Variants in PDZD2 observed in about 807,000 individuals in gnomAD.
PDZD2 encodes the protein PDZ domain containing 2.
PDZD2 carries 90 observed loss-of-function variants against 220.7 expected under a neutral mutation model. That is an observed-to-expected ratio of 0.41 (90% CI 0.34 to 0.49). The LOEUF (loss-of-function observed/expected upper bound fraction) is 0.49, where lower values mean the gene tolerates loss of function less well. Ranked by LOEUF, PDZD2 falls within the 20% of genes least tolerant of loss-of-function variation. The pLI, the probability that PDZD2 is intolerant of heterozygous loss-of-function variation, is 0.28. For synonymous variants in PDZD2, 1,375 were observed against 1,450.5 expected (o/e 0.95, Z 1.18); for missense variants, 3,174 against 3,608.5 (o/e 0.88, Z 3.08).
chr5:31,703,887 C>G (rs943740376), intron 1 of PDZD2, among the ~76,000 whole-genome samples: 1 of 152,046 alleles, frequency 6.6e-6, no homozygotes, highest in African/African-American at 2.4e-5. Flanking sequence ...ATAATTTTAC[C>G]CCCATAGATA....
At chr5:31,705,322 C>T (rs535610564) in intron 1 of PDZD2, among the ~76,000 whole-genome samples, 20 of 152,080 alleles carry the variant, frequency 1.3e-4, no homozygotes, top group South Asian at 4.2e-4. Flanking sequence ...TTATGAAAGA[C>T]GATAACAGGG....
intron 2 of PDZD2, among the ~76,000 whole-genome samples, chr5:31,951,161 T>G (rs1378457125): frequency 6.6e-6 from 1 of 152,086 alleles, no homozygotes; most frequent in Non-Finnish European, 1.5e-5. Context: ...CAACCTCCCG[T>G]GCTCAAGTGA....
chr5:32,049,739 T>C (rs1738336387), intron 8 of PDZD2, among the ~76,000 whole-genome samples: 1 of 152,126 alleles, frequency 6.6e-6, no homozygotes, highest in South Asian at 2.1e-4. Flanking sequence ...GGACAATTGC[T>C]CATCAGCCCA....
intron 2 of PDZD2, among the ~76,000 whole-genome samples, chr5:31,942,278 T>C (rs1189722112): frequency 6.6e-6 from 1 of 152,112 alleles, no homozygotes; most frequent in East Asian, 1.9e-4. Context: ...AACTGACTAG[T>C]CTTAGAATGT....
intron 1 of PDZD2, among the ~76,000 whole-genome samples, chr5:31,670,495 C>T (rs1296900351): frequency 1.3e-5 from 2 of 152,168 alleles, no homozygotes; most frequent in Non-Finnish European, 2.9e-5. Flanking sequence ...CAGCTCACTG[C>T]AACCTCCGCC....
chr5:32,027,094 G>A lies in PDZD2; in HGVS notation c.1408-10137G>A, dbSNP rs903748352. On this transcript the variant is annotated intron_variant, in intron 6 of 24. Coordinates refer to ENST00000438447, the MANE Select transcript of PDZD2 (RefSeq NM_178140.4). ...ATTTTTTGTACTTTTAGTAGAGACG[G>A]GGTTTCACCATGTTGGCCAGGCTGG... 9.2e-5 allele frequency among the ~76,000 whole-genome samples: 14 copies of A among 152,186 alleles called. No individual in the cohort carries two copies. In the East Asian group the frequency reaches 2.7e-3, roughly 29 times the overall value.
In PDZD2 at chr5:31,799,530, G is replaced by C; in HGVS notation, c.282G>C (p.Gly94=). The C allele has an allele frequency of 1.2e-6, 2 of 1,614,144 alleles. No homozygotes were observed. The highest frequency in any genetic ancestry group is 1.7e-6 in the Non-Finnish European group (2 of 1,180,002). ...GTTTTGGGAACATCCCTGTTTTCGG[G>C]GACTATGGTGAAAAGCGCAGGGGGG... ...GLSFGNIPVF[G]DYGEKRRGGK... Residue 94 remains glycine (G), a synonymous_variant, in exon 2 of 25, where the codon GGG becomes GGC. Coordinates refer to ENST00000438447, the MANE Select transcript of PDZD2 (RefSeq NM_178140.4).
intron 2 of PDZD2, among the ~76,000 whole-genome samples, chr5:31,812,686 T>C (rs191365772): frequency 1.3e-5 from 2 of 152,326 alleles, no homozygotes; most frequent in East Asian, 1.9e-4. Flanking sequence ...GATTAAATTA[T>C]TTTGTTTTAA....
chr5:31,976,811 A>G (rs7705197), intron 2 of PDZD2, among the ~76,000 whole-genome samples: 36,457 of 139,042 alleles, frequency 0.26, 4,819 homozygotes, highest in Middle Eastern at 0.38. Context: ...TCCGATTCCC[A>G]GGTTCAAGCG....
intron 2 of PDZD2, among the ~76,000 whole-genome samples, chr5:31,850,161 T>C (rs1265799929): frequency 2.2e-5 from 3 of 134,936 alleles, no homozygotes; most frequent in African/African-American, 8.5e-5. Flanking sequence ...TATGTGTATA[T>C]ATGTATATAT....
chr5:32,062,582 T>TG, intron 14 of PDZD2, among the ~76,000 whole-genome samples: 1 of 152,138 alleles, frequency 6.6e-6, no homozygotes, highest in Non-Finnish European at 1.5e-5. Flanking sequence ...TTGGTAGAGA[T>TG]GGGGTTTCAC....
At chr5:31,642,983 G>A (rs960948749) in intron 1 of PDZD2, among the ~76,000 whole-genome samples, 1 of 152,214 alleles carries the variant, frequency 6.6e-6, no homozygotes, top group Admixed American at 6.5e-5. Context: ...AATCCTAGCA[G>A]TGCAGAGAAC....
At chr5:31,681,127 T>G (rs1216817416) in intron 1 of PDZD2, among the ~76,000 whole-genome samples, 5 of 152,220 alleles carry the variant, frequency 3.3e-5, no homozygotes, top group African/African-American at 1.2e-4. Flanking sequence ...TAAATGCTTC[T>G]GAATATGGGG....
In PDZD2 at chr5:32,087,974, C is replaced by G. The variant is rs371911047; in HGVS notation, c.4526C>G (p.Pro1509Arg). 3.5e-5 allele frequency: 56 copies of G among 1,614,036 alleles called. No individual in the cohort carries two copies. Among genetic ancestry groups the G allele is most frequent in the Non-Finnish European group, 4.6e-5 (54 of 1,180,006 alleles). Residue 1509 changes from proline (P) to arginine (R), a missense_variant, in exon 20 of 25, where the codon CCC (proline) becomes CGC (arginine). By Grantham distance (103) the Pro-to-Arg change is moderately radical. This residue lies in a region of PDZD2 where 1,861 missense variants were observed against 2,001.0 expected (regional missense o/e 0.93). Transcript: ENST00000438447. The surrounding 1 kb of genome is among the most constrained non-coding windows in gnomAD (Gnocchi z 4.0). ...CCTTCGGTTTTAGATTCAATTAATC[C>G]CGACAAACATTTTACTGTGAACAAA... The part of the protein sequence containing the change: ...SQPSVLDSIN[P>R]DKHFTVNKNF...
intron 6 of PDZD2, among the ~76,000 whole-genome samples, chr5:32,030,036 T>C (rs1055195667): frequency 6.6e-6 from 1 of 152,226 alleles, no homozygotes; most frequent in Non-Finnish European, 1.5e-5. Context: ...GCTTTCTGTG[T>C]GTATTCAGTA....
At chr5:31,822,207 C>A (rs1279915315) in intron 2 of PDZD2, among the ~76,000 whole-genome samples, 5 of 151,498 alleles carry the variant, frequency 3.3e-5, no homozygotes, top group Admixed American at 2.6e-4. Context: ...TGGGTATATA[C>A]CCAGTAATGG....
chr5:31,871,729 A>G (rs3860744), intron 2 of PDZD2, among the ~76,000 whole-genome samples: 71,503 of 152,138 alleles, frequency 0.47, 17,068 homozygotes, highest in South Asian at 0.56. Context: ...GATTACAGGC[A>G]TGAGCCACTG....
intron 1 of PDZD2, among the ~76,000 whole-genome samples, chr5:31,737,468 G>A (rs917776105): frequency 4.6e-5 from 7 of 151,962 alleles, no homozygotes; most frequent in Non-Finnish European, 7.4e-5. Flanking sequence ...TACCGCGCCC[G>A]GCCAGAGCAG....
At chr5:31,809,886 T>A (rs1262719650) in intron 2 of PDZD2, among the ~76,000 whole-genome samples, 3 of 152,176 alleles carry the variant, frequency 2.0e-5, no homozygotes, top group African/African-American at 7.2e-5. Context: ...GACCTGCTCC[T>A]CCTCTGGTAC....
Sources: allele counts gnomAD v4.1 joint callset (sites outside exome capture counted in the v4.1 genomes callset), GRCh38; gene constraint gnomAD v4.1.1; regional missense constraint gnomAD v4.1.1; non-coding constraint Gnocchi (gnomAD v3.1); transcripts MANE v1.5; gene names NCBI Gene and HGNC (gene_info 2026-07-23, HGNC 2026-07-21).